KHDRBS2: variants seen among roughly 807,000 people sequenced by gnomAD.
KHDRBS2 encodes KH domain-containing, RNA-binding, signal transduction-associated protein 2.
In KHDRBS2, 26 loss-of-function variants were observed where a neutral mutation model predicts 44.3. The observed-to-expected ratio is 0.59, with a 90% confidence interval of 0.43 to 0.81. The LOEUF is 0.81. Among genes scored for constraint, KHDRBS2 ranks in the 40% least tolerant of loss-of-function variants. The pLI, the probability that KHDRBS2 is intolerant of heterozygous loss-of-function variation, is 0.00. For missense variants in KHDRBS2, 476 were observed against 433.1 expected, an observed-to-expected ratio of 1.10 and a Z score of -0.88; for synonymous variants, 194 against 151.1, an observed-to-expected ratio of 1.28 and a Z score of -2.08.
intron 1 of KHDRBS2, among the ~76,000 whole-genome samples, chr6:62,228,282 T>C (rs1832269454): frequency 6.6e-6 from 1 of 152,186 alleles, no homozygotes; most frequent in Admixed American, 6.5e-5. Flanking sequence ...ATGTATCTAT[T>C]TCTTCTTGAC....
At chr6:61,595,959 A>T in the KHDRBS2 span, among the ~76,000 whole-genome samples, 1 of 152,138 alleles carries the variant, frequency 6.6e-6, no homozygotes, top group African/African-American at 2.4e-5. Flanking sequence ...CTTGGGTTTC[A>T]AGTACCCACA....
At chr6:61,731,269 G>T (rs1326684636) in intron 7 of KHDRBS2, among the ~76,000 whole-genome samples, 2 of 150,992 alleles carry the variant, frequency 1.3e-5, no homozygotes, top group African/African-American at 4.9e-5. Flanking sequence ...AAGCCTAAAT[G>T]ACTGTGTTGT....
intron 2 of KHDRBS2, among the ~76,000 whole-genome samples, chr6:62,106,448 T>C (rs1295266909): frequency 6.6e-6 from 1 of 152,182 alleles, no homozygotes; most frequent in African/African-American, 2.4e-5. Flanking sequence ...ACTTCTGTTA[T>C]GAATCTGGGT....
chr6:61,842,544 T>C (rs1793740667), intron 6 of KHDRBS2, among the ~76,000 whole-genome samples: 1 of 152,174 alleles, frequency 6.6e-6, no homozygotes, highest in African/African-American at 2.4e-5. Context: ...AGCATTAGTA[T>C]GCTTCTAAAT....
At chr6:61,657,721 CT>C in the KHDRBS2 span, among the ~76,000 whole-genome samples, 1 of 151,932 alleles carries the variant, frequency 6.6e-6, no homozygotes, top group Non-Finnish European at 1.5e-5. Flanking sequence ...GGTTTACCAG[CT>C]GCTGTGGGCA....
At chr6:62,141,115 A>G (rs1298521101) in intron 2 of KHDRBS2, among the ~76,000 whole-genome samples, 1 of 152,228 alleles carries the variant, frequency 6.6e-6, no homozygotes, top group Non-Finnish European at 1.5e-5. Context: ...ATATGCAACT[A>G]TCTTGAACAA....
At chr6:61,577,815 G>A in the KHDRBS2 span, among the ~76,000 whole-genome samples, 1 of 152,146 alleles carries the variant, frequency 6.6e-6, no homozygotes, top group African/African-American at 2.4e-5. Flanking sequence ...CAGTCATTTT[G>A]TTTTTATTAT....
At chr6:61,956,964 C>T (rs930562560) in intron 4 of KHDRBS2, among the ~76,000 whole-genome samples, 1 of 149,374 alleles carries the variant, frequency 6.7e-6, no homozygotes, top group Non-Finnish European at 1.5e-5. Context: ...GTCAGGGACC[C>T]CGAACGGAGG....
intron 6 of KHDRBS2, chr6:61,816,692 C>T (rs535179547): frequency 2.4e-6 from 1 of 421,378 alleles, no homozygotes; most frequent in Admixed American, 2.6e-5. Flanking sequence ...TTTGCAAAGA[C>T]AGACTCATTT....
chr6:62,070,068 A>G (rs1195819298), intron 2 of KHDRBS2, among the ~76,000 whole-genome samples: 1 of 151,662 alleles, frequency 6.6e-6, no homozygotes, highest in Non-Finnish European at 1.5e-5. Flanking sequence ...TAAGATTCAT[A>G]TGGTTTTTGC....
the KHDRBS2 span, among the ~76,000 whole-genome samples, chr6:61,566,299 G>A: frequency 7.9e-5 from 12 of 152,108 alleles, no homozygotes; most frequent in African/African-American, 2.9e-4. Context: ...CAGTTAGATA[G>A]TAGGAGTGAG....
chr6:61,613,043 G>T, the KHDRBS2 span, among the ~76,000 whole-genome samples: 13 of 151,924 alleles, frequency 8.6e-5, no homozygotes, highest in East Asian at 2.5e-3. Flanking sequence ...TAGTAGAGAC[G>T]GGGTTTCACC....
At chr6:61,868,561 G>A (rs1281703915) in intron 6 of KHDRBS2, among the ~76,000 whole-genome samples, 8 of 152,192 alleles carry the variant, frequency 5.3e-5, no homozygotes, top group African/African-American at 1.2e-4. Context: ...GGAATGGATT[G>A]GGGTCCCACT....
chr6:61,945,099 A>AC (rs1562489783), intron 4 of KHDRBS2, among the ~76,000 whole-genome samples: 1 of 67,946 alleles, frequency 1.5e-5, no homozygotes, highest in South Asian at 5.5e-4. Context: ...TTAAAAAAAA[A>AC]AAAAAAAAAA....
chr6:62,001,426 T>G (rs2127259295), intron 3 of KHDRBS2, among the ~76,000 whole-genome samples: 1 of 151,948 alleles, frequency 6.6e-6, no homozygotes, highest in South Asian at 2.1e-4. Context: ...ACTGTGACAC[T>G]ACATTAAAAC....
At chr6:62,142,914 T>TC in intron 2 of KHDRBS2, among the ~76,000 whole-genome samples, 1 of 149,636 alleles carries the variant, frequency 6.7e-6, no homozygotes, top group Admixed American at 6.6e-5. Context: ...GATTTGTGTT[T>TC]CAATGATTTG....
At chr6:61,597,773 T>TATATACATACATACAC in the KHDRBS2 span, among the ~76,000 whole-genome samples, 1 of 42,330 alleles carries the variant, frequency 2.4e-5, no homozygotes, top group Non-Finnish European at 4.8e-5. Flanking sequence ...TATATATATA[T>TATATACATACATACAC]ACACCAAGAT....
intron 6 of KHDRBS2, among the ~76,000 whole-genome samples, chr6:61,792,601 T>C (rs1174728632): frequency 6.6e-6 from 1 of 151,790 alleles, no homozygotes; most frequent in Admixed American, 6.6e-5. Flanking sequence ...TTTGGCACTC[T>C]GAAAATATCA....
chr6:62,108,009 A>G (rs1416310380), intron 2 of KHDRBS2, among the ~76,000 whole-genome samples: 1 of 152,190 alleles, frequency 6.6e-6, no homozygotes, highest in Non-Finnish European at 1.5e-5. Context: ...AAACGTAGGC[A>G]TTACCATTCA....
Sources: allele counts gnomAD v4.1 joint callset (sites outside exome capture counted in the v4.1 genomes callset), GRCh38; gene constraint gnomAD v4.1.1; transcripts MANE v1.5; gene names NCBI Gene and HGNC (gene_info 2026-07-23, HGNC 2026-07-21).